PRKCA: variants seen among roughly 807,000 people sequenced by gnomAD.
The protein encoded by PRKCA is protein kinase C alpha.
A neutral mutation model predicts 87.0 loss-of-function variants in PRKCA; 27 were observed. The observed-to-expected ratio is 0.31, with a 90% CI of 0.23 to 0.43. The LOEUF (loss-of-function observed/expected upper bound fraction) is 0.43, where lower values mean the gene tolerates loss of function less well. Ranked by LOEUF, PRKCA falls within the 20% of genes least tolerant of loss-of-function variation. The probability of loss-of-function intolerance (pLI) is 1.00; values close to 1 mark genes in which losing one functional copy is unlikely to be tolerated. For missense variants in PRKCA, 518 were observed against 852.3 expected (o/e 0.61, Z 4.88); for synonymous variants, 329 against 311.1 (o/e 1.06, Z -0.61).
At chr17:66,748,766 T>A (rs118013068) in intron 13 of PRKCA, among the ~76,000 whole-genome samples, 2,754 of 152,024 alleles carry the variant, frequency 0.018, 37 homozygotes, top group Non-Finnish European at 0.029. Flanking sequence ...GAAGGAAGCA[T>A]CATTTACGTG....
intron 2 of PRKCA, among the ~76,000 whole-genome samples, chr17:66,383,029 C>T (rs1354827441): frequency 6.6e-6 from 1 of 152,056 alleles, no homozygotes; most frequent in Non-Finnish European, 1.5e-5. Flanking sequence ...TTTTTTGTAT[C>T]TGGTTCTCTT....
chr17:66,725,245 G>C (rs996549142), intron 8 of PRKCA, among the ~76,000 whole-genome samples: 1 of 152,144 alleles, frequency 6.6e-6, no homozygotes, highest in African/African-American at 2.4e-5. Context: ...GGAGTTCTGG[G>C]CTGCTTGTCT....
chr17:66,487,565 G>T (rs1467256266), intron 2 of PRKCA, among the ~76,000 whole-genome samples: 2 of 152,136 alleles, frequency 1.3e-5, no homozygotes, highest in African/African-American at 4.8e-5. Flanking sequence ...TCTTATGGTA[G>T]CTCTGTGTTT....
chr17:66,465,837 C>T (rs3895745), intron 2 of PRKCA, among the ~76,000 whole-genome samples: 5,988 of 152,242 alleles, frequency 0.039, 364 homozygotes, highest in African/African-American at 0.13. Context: ...TTATTGAGGC[C>T]AGTAACATTT....
At chr17:66,777,567 CCT>C (rs1283800778) in intron 14 of PRKCA, 52 of 984,900 alleles carry the variant, frequency 5.3e-5, no homozygotes, top group East Asian at 2.3e-4. Context: ...TTAATTTCCC[CCT>C]CTTTAAAATT....
chr17:66,672,405 T>G (rs1054330131), intron 5 of PRKCA, among the ~76,000 whole-genome samples: 1 of 152,238 alleles, frequency 6.6e-6, no homozygotes, highest in African/African-American at 2.4e-5. Context: ...ATTCTTTACT[T>G]TTCTCACCAC....
intron 3 of PRKCA, among the ~76,000 whole-genome samples, chr17:66,539,603 A>C (rs1468212471): frequency 6.6e-6 from 1 of 152,002 alleles, no homozygotes; most frequent in Admixed American, 6.6e-5. Context: ...ATGGGGTTTC[A>C]CTGTGTTAGC....
intron 3 of PRKCA, among the ~76,000 whole-genome samples, chr17:66,542,444 A>C (rs1444246771): frequency 6.6e-6 from 1 of 152,108 alleles, no homozygotes; most frequent in African/African-American, 2.4e-5. Flanking sequence ...GCTGAGTACC[A>C]TGGGGGTGAG....
chr17:66,336,304 G>A (rs1906657642), intron 2 of PRKCA, among the ~76,000 whole-genome samples: 1 of 152,304 alleles, frequency 6.6e-6, no homozygotes, highest in Non-Finnish European at 1.5e-5. Flanking sequence ...ATTGATAGGT[G>A]CTATCAGTTG....
intron 3 of PRKCA, among the ~76,000 whole-genome samples, chr17:66,506,690 C>G (rs1916997010): frequency 6.6e-6 from 1 of 152,118 alleles, no homozygotes; most frequent in African/African-American, 2.4e-5. Context: ...GGGGAACACA[C>G]CTGATGGGCT....
At chr17:66,612,467 A>G (rs1970397760) in intron 3 of PRKCA, among the ~76,000 whole-genome samples, 1 of 151,846 alleles carries the variant, frequency 6.6e-6, no homozygotes. Flanking sequence ...ATTGACTTAT[A>G]GTTCCATGTA....
chr17:66,744,691 A>G (rs771854129), intron 13 of PRKCA, among the ~76,000 whole-genome samples: 1 of 152,204 alleles, frequency 6.6e-6, no homozygotes, highest in Non-Finnish European at 1.5e-5. Flanking sequence ...TGCCACTGTA[A>G]CAGATAACCA....
At chr17:66,707,406 T>C (rs1973219460) in intron 8 of PRKCA, among the ~76,000 whole-genome samples, 1 of 152,138 alleles carries the variant, frequency 6.6e-6, no homozygotes, top group Non-Finnish European at 1.5e-5. Flanking sequence ...ACCTGCACTT[T>C]TTTGACAGCC....
chr17:66,607,927 A>G (rs1970255605), intron 3 of PRKCA, among the ~76,000 whole-genome samples: 1 of 152,224 alleles, frequency 6.6e-6, no homozygotes, highest in African/African-American at 2.4e-5. Context: ...GGGTAGCTAC[A>G]TGGTCTCTGA....
Position 66,783,641 on chromosome 17 carries a change from C to G in PRKCA, c.1606-3226C>G, listed in dbSNP as rs550004627. ...GTTCCCCAAACGATTCCTGGCCTTCCACATTTGAAGGTGGGGTGGCTGCAG... is the reference window on the plus strand; with the variant it reads ...GTTCCCCAAACGATTCCTGGCCTTCGACATTTGAAGGTGGGGTGGCTGCAG... On this transcript the variant is annotated intron_variant, in intron 14 of 16. Coordinates refer to ENST00000413366, the MANE Select transcript of PRKCA (RefSeq NM_002737.3). Among the ~76,000 whole-genome samples the G allele has an allele frequency of 8.6e-4, 131 of 152,336 alleles. 1 individual carries two copies. Among genetic ancestry groups the G allele is most frequent in the Admixed American group, 2.5e-3 (38 of 15,310 alleles).
intron 2 of PRKCA, among the ~76,000 whole-genome samples, chr17:66,337,057 C>T (rs113351091): frequency 0.027 from 4,096 of 152,268 alleles, 176 homozygotes; most frequent in African/African-American, 0.092. Flanking sequence ...TCCCAAAGTG[C>T]TGGGATTACA....
At position 66,788,940 on chromosome 17, in the gene PRKCA, G is replaced by A. The variant is rs1436659412; in HGVS notation, c.1815G>A (p.Leu605=). ...AFFRRIDWEK[L]ENREIQPPFK... The stretch of plus-strand genomic sequence containing the variant: ...TCCGGAGGATCGACTGGGAAAAACT[G>A]GAGAACAGGGAGATCCAGCCACCAT... Residue 605 remains leucine, a synonymous_variant, in exon 16 of 17, where the codon CTG becomes CTA. Transcript: ENST00000413366. 1 of 1,614,030 alleles carries A rather than the reference G, an allele frequency of 6.2e-7. No homozygotes were observed. Among genetic ancestry groups the A allele is most frequent in the African/African-American group, 1.3e-5 (1 of 74,918 alleles).
intron 2 of PRKCA, among the ~76,000 whole-genome samples, chr17:66,315,132 T>C (rs943203659): frequency 6.6e-6 from 1 of 152,170 alleles, no homozygotes; most frequent in Non-Finnish European, 1.5e-5. Flanking sequence ...ACACTACAAC[T>C]GATAGCCAGC....
At chr17:66,435,632 A>G (rs1913344336) in intron 2 of PRKCA, among the ~76,000 whole-genome samples, 1 of 152,192 alleles carries the variant, frequency 6.6e-6, no homozygotes, top group African/African-American at 2.4e-5. Flanking sequence ...AAAGTGTTAT[A>G]TAAAATTGGG....
Sources: allele counts gnomAD v4.1 joint callset (sites outside exome capture counted in the v4.1 genomes callset), GRCh38; gene constraint gnomAD v4.1.1; transcripts MANE v1.5; gene names NCBI Gene and HGNC (gene_info 2026-07-23, HGNC 2026-07-21).